The following PCCA variants were observed in gnomAD, a reference collection of about 807,000 sequenced individuals.
PCCA encodes propionyl-CoA carboxylase subunit alpha.
A neutral mutation model predicts 101.3 loss-of-function variants in PCCA; 74 were observed. That is an observed-to-expected ratio of 0.73 (90% CI 0.61 to 0.89). The LOEUF (loss-of-function observed/expected upper bound fraction) is 0.89, where lower values mean the gene tolerates loss of function less well. PCCA is among the 40% of genes least tolerant of loss of function. The pLI is 0.00. For missense variants in PCCA, 891 were observed against 907.0 expected (o/e 0.98, Z 0.23); for synonymous variants, 294 against 313.6 (o/e 0.94, Z 0.66).
intron 21 of PCCA, among the ~76,000 whole-genome samples, chr13:100,487,743 G>C (rs2084504484): frequency 6.6e-6 from 1 of 151,948 alleles, no homozygotes; most frequent in South Asian, 2.1e-4. Flanking sequence ...TTTATTTTTT[G>C]AGACAGGGTC....
chr13:100,262,686 C>A, intron 9 of PCCA, 43 bp from the exon 10 acceptor site: 1 of 820,370 alleles, frequency 1.2e-6, no homozygotes, highest in African/African-American at 1.7e-5. Context: ...TCCCCTTCCC[C>A]TCCCTCTCCC....
intron 16 of PCCA, among the ~76,000 whole-genome samples, chr13:100,325,847 G>T (rs1044568735): frequency 1.3e-5 from 2 of 152,080 alleles, no homozygotes; most frequent in African/African-American, 4.8e-5. Flanking sequence ...GTCTTCTAAA[G>T]TTCTTTTGAT....
intron 1 of PCCA, among the ~76,000 whole-genome samples, chr13:100,094,228 C>CAAA (rs1219610982): frequency 3.2e-4 from 17 of 53,850 alleles, no homozygotes; most frequent in East Asian, 7.4e-4. Flanking sequence ...AAATCTGTCT[C>CAAA]AAAAAAAAAA....
Position 100,264,198 on chromosome 13 carries a change from T to C in PCCA, c.819+1367T>C, listed in dbSNP as rs2062774528. Among the ~76,000 whole-genome samples the C allele has an allele frequency of 8.2e-5, 10 of 122,570 alleles. 1 individual carries two copies. The South Asian group carries it at 2.6e-3, about 32-fold the overall frequency. The allele number at this position is 122,570 out of a possible 152,430, so 80.4% of individuals were successfully genotyped here. A position where few individuals can be genotyped will look rare whatever the true frequency, so the allele number is the denominator to read the frequency against. ...GTATATATGTGATATCTGTATATCA[T>C]ATATGTGATATCTGTATCTCATATA... On this transcript the variant is annotated intron_variant, in intron 10 of 23. Coordinates refer to ENST00000376285, the MANE Select transcript of PCCA (RefSeq NM_000282.4).
Position 100,309,830 on chromosome 13 carries a change from T to C in PCCA, c.1354-3T>C. The C allele has an allele frequency of 6.2e-7, 1 of 1,605,536 alleles. No homozygotes were observed. Among genetic ancestry groups the C allele is most frequent in the Non-Finnish European group, 8.5e-7 (1 of 1,172,258 alleles). Reference sequence around the variant, plus strand: ...ATTGGGTTTTTTGTTTGCTTGTTTTTAGCTAATCACATATGGCTCTGATAG... The same window carrying C: ...ATTGGGTTTTTTGTTTGCTTGTTTTCAGCTAATCACATATGGCTCTGATAG... On this transcript the variant is annotated splice_region_variant and splice_polypyrimidine_tract_variant and intron_variant, in intron 15 of 23. Transcript: ENST00000376285.
At chr13:100,452,343 G>A (rs935511364) in intron 21 of PCCA, among the ~76,000 whole-genome samples, 18 of 151,874 alleles carry the variant, frequency 1.2e-4, no homozygotes, top group African/African-American at 4.4e-4. Context: ...AGTAGCTGGC[G>A]TCCACCTCAC....
chr13:100,220,014 G>A (rs1001495950), intron 7 of PCCA, among the ~76,000 whole-genome samples: 2 of 152,020 alleles, frequency 1.3e-5, no homozygotes, highest in African/African-American at 4.8e-5. Flanking sequence ...GTTTTTGCTT[G>A]TTTATAACAT....
At chr13:100,342,122 C>T (rs1255682015) in intron 18 of PCCA, among the ~76,000 whole-genome samples, 2 of 151,752 alleles carry the variant, frequency 1.3e-5, no homozygotes, top group Admixed American at 1.3e-4. Flanking sequence ...AACACCCATG[C>T]ACACATTATC....
At chr13:100,117,718 C>T (rs900419951) in intron 4 of PCCA, among the ~76,000 whole-genome samples, 1 of 152,056 alleles carries the variant, frequency 6.6e-6, no homozygotes, top group Admixed American at 6.6e-5. Flanking sequence ...GACATGTATA[C>T]CTATGTAACA....
intron 21 of PCCA, among the ~76,000 whole-genome samples, chr13:100,504,956 C>A (rs1487343493): frequency 6.6e-6 from 1 of 152,054 alleles, no homozygotes; most frequent in Admixed American, 6.6e-5. Context: ...AATTCACTTA[C>A]TTTCCACAGA....
chr13:100,286,814 T>A (rs2064710616), intron 12 of PCCA, among the ~76,000 whole-genome samples: 1 of 151,964 alleles, frequency 6.6e-6, no homozygotes, highest in Admixed American at 6.6e-5. Flanking sequence ...CAGATATGAT[T>A]TGTAGGTATT....
intron 1 of PCCA, among the ~76,000 whole-genome samples, chr13:100,089,809 T>C (rs1489273668): frequency 1.3e-5 from 2 of 152,230 alleles, no homozygotes; most frequent in African/African-American, 4.8e-5. Flanking sequence ...CCCGTGAACT[T>C]ACTTTCCTTT....
chr13:100,256,042 C>T (rs570592710), intron 8 of PCCA, among the ~76,000 whole-genome samples: 10 of 152,076 alleles, frequency 6.6e-5, no homozygotes, highest in African/African-American at 2.2e-4. Context: ...TCTTTGGAAA[C>T]GGAGTCTTGC....
intron 21 of PCCA, among the ~76,000 whole-genome samples, chr13:100,508,139 C>T (rs533211399): frequency 3.4e-4 from 51 of 151,916 alleles, no homozygotes; most frequent in Non-Finnish European, 5.9e-4. Flanking sequence ...GATCATCTTT[C>T]GGAAGCAAGC....
At chr13:100,425,793 GT>G in intron 20 of PCCA, 62 bp downstream of exon 20, 3 of 1,040,146 alleles carry the variant, frequency 2.9e-6, no homozygotes, top group Non-Finnish European at 4.5e-6. Context: ...GTCAGCACCT[GT>G]GTGGCTAATA....
chr13:100,132,006 A>C (rs924408311), intron 4 of PCCA, among the ~76,000 whole-genome samples: 1 of 152,160 alleles, frequency 6.6e-6, no homozygotes, highest in Non-Finnish European at 1.5e-5. Flanking sequence ...GGGGGTGACA[A>C]GAGTTAGGTG....
chr13:100,228,899 C>T (rs369253861), intron 7 of PCCA, among the ~76,000 whole-genome samples: 1 of 83,486 alleles, frequency 1.2e-5, no homozygotes, highest in Non-Finnish European at 2.5e-5. Flanking sequence ...GACTCTTTCT[C>T]AAAAAAAAAA....
At chr13:100,433,875 A>G (rs775938429) in intron 20 of PCCA, among the ~76,000 whole-genome samples, 1 of 152,244 alleles carries the variant, frequency 6.6e-6, no homozygotes, top group Non-Finnish European at 1.5e-5. Flanking sequence ...TGATTTATTT[A>G]ATCAAAGTTT....
intron 20 of PCCA, among the ~76,000 whole-genome samples, chr13:100,434,828 G>A (rs1043326606): frequency 2.6e-5 from 4 of 152,180 alleles, no homozygotes; most frequent in East Asian, 1.9e-4. Context: ...TCATGAAGTC[G>A]CTTTCACGTA....
Sources: gnomAD v4.1 joint callset for allele counts (sites outside exome capture counted in the v4.1 genomes callset) on GRCh38, gnomAD v4.1.1 for gene constraint, MANE v1.5 for transcripts, NCBI Gene and HGNC (gene_info 2026-07-23, HGNC 2026-07-21) for gene names.